The following MARVELD2 variants were observed in gnomAD, a reference collection of about 807,000 sequenced individuals.
MARVELD2 encodes MARVEL domain containing 2.
In MARVELD2, 49 loss-of-function variants were observed where a neutral mutation model predicts 57.6. That is an observed-to-expected ratio of 0.85 (90% CI 0.68 to 1.08). The LOEUF (loss-of-function observed/expected upper bound fraction) is 1.08, where lower values mean the gene tolerates loss of function less well. MARVELD2 is among the 50% of genes least tolerant of loss of function. The pLI is 0.00. For missense variants in MARVELD2, 606 were observed against 701.1 expected (o/e 0.86, Z 1.53); for synonymous variants, 238 against 258.8 (o/e 0.92, Z 0.77).
chr5:69,423,714 C>T (rs1303146219), intron 2 of MARVELD2, among the ~76,000 whole-genome samples: 5 of 152,140 alleles, frequency 3.3e-5, no homozygotes, highest in South Asian at 2.1e-4. Flanking sequence ...CTCAAGCAAT[C>T]CTCTCCCCTC....
At chr5:69,433,953 C>G (rs1313804253) in intron 5 of MARVELD2, among the ~76,000 whole-genome samples, 1 of 145,128 alleles carries the variant, frequency 6.9e-6, no homozygotes, top group Non-Finnish European at 1.5e-5. Flanking sequence ...ATTTTATTTT[C>G]TTACTTAAGT....
chr5:69,443,200 C>CTTTT lies in MARVELD2; in HGVS notation c.*1558_*1561dup, dbSNP rs35672884. On this transcript the variant is annotated 3_prime_UTR_variant, in exon 7 of 7. Coordinates refer to ENST00000325631, the MANE Select transcript of MARVELD2 (RefSeq NM_001038603.3). The stretch of plus-strand genomic sequence containing the variant: ...AATGTAGCATTTCCTTGGAAACTCC[C>CTTTT]TTTTTTTTTTTTTTTGAGATGGAGT... 5 of 137,242 alleles carry CTTTT rather than the reference C, an allele frequency of 3.6e-5. No individual in the cohort carries two copies. Among genetic ancestry groups the CTTTT allele is most frequent in the Non-Finnish European group, 7.7e-5 (5 of 64,788 alleles). 8.5% of individuals were successfully genotyped at this position (137,242 alleles called of 1,614,324 possible). A position where few individuals can be genotyped will look rare whatever the true frequency, so the allele number is the denominator to read the frequency against.
intron 3 of MARVELD2, among the ~76,000 whole-genome samples, chr5:69,431,722 G>A (rs946887087): frequency 7.9e-5 from 12 of 151,286 alleles, no homozygotes; most frequent in Non-Finnish European, 1.3e-4. Flanking sequence ...TTACAGAAAC[G>A]TTCAGAACAA....
intron 2 of MARVELD2, among the ~76,000 whole-genome samples, chr5:69,421,890 T>C (rs1009417766): frequency 1.3e-5 from 2 of 151,756 alleles, no homozygotes; most frequent in East Asian, 3.9e-4. Flanking sequence ...AGGGACCAGC[T>C]GAAGCCATGG....
intron 3 of MARVELD2, among the ~76,000 whole-genome samples, chr5:69,427,643 G>C (rs1157172979): frequency 6.6e-6 from 1 of 152,162 alleles, no homozygotes; most frequent in Non-Finnish European, 1.5e-5. Flanking sequence ...TTTGCTGGAA[G>C]CAAAGAACGG....
chr5:69,426,398 G>C (rs766510160), intron 3 of MARVELD2, among the ~76,000 whole-genome samples: 10 of 149,914 alleles, frequency 6.7e-5, no homozygotes, highest in Non-Finnish European at 1.3e-4. Flanking sequence ...GCAGTGGTGC[G>C]ATCTCAGCTC....
Position 69,441,722 on chromosome 5 carries a change from AC to A in MARVELD2, c.*71del. On this transcript the variant is annotated 3_prime_UTR_variant, in exon 7 of 7. Coordinates refer to ENST00000325631, the MANE Select transcript of MARVELD2 (RefSeq NM_001038603.3). ...TTTTGAGATGAAGTCTCGCTCTGTT[AC>A]CCAGGCTGGAATGCAGTGGCACAAT... 8.5e-7 allele frequency: 1 copy of A among 1,172,016 alleles called. No individual in the cohort carries two copies. The highest frequency in any genetic ancestry group is 1.2e-6 in the Non-Finnish European group (1 of 824,868). 72.6% of individuals were successfully genotyped at this position (1,172,016 alleles called of 1,614,324 possible). A position where few individuals can be genotyped will look rare whatever the true frequency, so the allele number is the denominator to read the frequency against.
At chr5:69,427,778 C>T (rs369432939) in intron 3 of MARVELD2, among the ~76,000 whole-genome samples, 15 of 152,250 alleles carry the variant, frequency 9.9e-5, no homozygotes, top group South Asian at 6.2e-4. Context: ...AAAAGCCTGA[C>T]GAAGATTTAA....
At position 69,432,541 on chromosome 5, in the gene MARVELD2, C is replaced by G. The variant is rs369344273; in HGVS notation, c.1197C>G (p.Thr399=). The G allele has an allele frequency of 1.2e-6, 2 of 1,614,154 alleles. No homozygotes were observed. The highest frequency in any genetic ancestry group is 1.7e-4 in the Middle Eastern group (1 of 6,060). Residue 399 remains threonine, a synonymous_variant, in exon 4 of 7, where the codon ACC becomes ACG. Transcript: ENST00000325631. The part of the protein sequence containing the change: ...SSKRKMCEMA[T]SGDRQRDSEV... ...CCTAACTGCAGTGTGAAATGGCCAC[C>G]AGTGGTGACAGACAAAGAGACTCAG...
At position 69,432,918 on chromosome 5, in the gene MARVELD2, C is replaced by T. The variant is rs755764073; in HGVS notation, c.1332-4C>T. The T allele has an allele frequency of 5.0e-6, 8 of 1,614,028 alleles. No homozygotes were observed. Among genetic ancestry groups the T allele is most frequent in the Non-Finnish European group, 6.8e-6 (8 of 1,180,038 alleles). The stretch of plus-strand genomic sequence containing the variant: ...TATATCTTTGGCTTATGTTTTTCCC[C>T]TAGAAAATACCCTGTGATTCAGACA... On this transcript the variant is annotated splice_polypyrimidine_tract_variant and splice_region_variant and intron_variant, in intron 4 of 6. Transcript: ENST00000325631.
In MARVELD2 at chr5:69,440,483, T is replaced by C; in HGVS notation, c.1537T>C (p.Phe513Leu). Residue 513 changes from phenylalanine to leucine, a missense_variant, in exon 6 of 7, where the codon TTT becomes CTT. Transcript: ENST00000325631. ...HERISRIHEE[F>L]KKKKNDPTFL... is the part of the protein sequence containing the mutation. ...GAGAATTTCAAGAATCCATGAAGAGTTTAAGAAAAAAAAGAATGTGAGTAA... is the reference window on the plus strand; with the variant it reads ...GAGAATTTCAAGAATCCATGAAGAGCTTAAGAAAAAAAAGAATGTGAGTAA... 7.0e-7 allele frequency: 1 copy of C among 1,433,990 alleles called. No individual in the cohort carries two copies. The highest frequency in any genetic ancestry group is 9.8e-7 in the Non-Finnish European group (1 of 1,020,318). The allele number at this position is 1,433,990 out of a possible 1,614,324, so 88.8% of individuals were successfully genotyped here. A position where few individuals can be genotyped will look rare whatever the true frequency, so the allele number is the denominator to read the frequency against.
chr5:69,420,652 T>TG, intron 2 of MARVELD2, 121 bp downstream of exon 2: 1 of 1,003,192 alleles, frequency 1.0e-6, no homozygotes, highest in Non-Finnish European at 1.5e-6. Flanking sequence ...TTTTCTTTCT[T>TG]CCTTTTTTTT....
At chr5:69,440,564 C>T in intron 6 of MARVELD2, 64 bp downstream of exon 6, 1 of 940,500 alleles carries the variant, frequency 1.1e-6, no homozygotes, top group Non-Finnish European at 1.7e-6. Flanking sequence ...AATTTACAGA[C>T]TCTAGATTCT....
intron 5 of MARVELD2, 40 bp from the exon 6 acceptor site, chr5:69,440,410 G>A: frequency 1.0e-6 from 1 of 1,001,944 alleles, no homozygotes; most frequent in East Asian, 2.4e-5. Context: ...TTGAGTAAAT[G>A]CAAATGTTTT....
At chr5:69,427,908 T>C (rs1053423389) in intron 3 of MARVELD2, among the ~76,000 whole-genome samples, 4 of 152,172 alleles carry the variant, frequency 2.6e-5, no homozygotes, top group Non-Finnish European at 5.9e-5. Context: ...GGCCAGGAGT[T>C]TGGGACCAGC....
chr5:69,435,752 C>CAA (rs35281029), intron 5 of MARVELD2, among the ~76,000 whole-genome samples: 735 of 64,566 alleles, frequency 0.011, 34 homozygotes, highest in Non-Finnish European at 0.016. Context: ...GACCCTGTCT[C>CAA]AAAAAAAAAA....
rs1480351501 is a variant in MARVELD2, at chr5:69,432,576, T to C, written c.1232T>C (p.Phe411Ser). ...GDRQRDSEVN[F>S]KELRTAKMKP... ...AGACAAAGAGACTCAGAAGTTAATT[T>C]CAAGGAACTGAGAACAGCAAAAATG... Residue 411 changes from phenylalanine to serine, a missense_variant, in exon 4 of 7, where the codon TTC becomes TCC. Physicochemically the swap from Phe to Ser is radical, Grantham distance 155. Transcript: ENST00000325631. 6.2e-7 allele frequency: 1 copy of C among 1,614,104 alleles called. No homozygotes were observed. The highest frequency in any genetic ancestry group is 1.3e-5 in the African/African-American group (1 of 74,946).
chr5:69,421,784 T>C (rs1580475453), intron 2 of MARVELD2, among the ~76,000 whole-genome samples: 1 of 150,638 alleles, frequency 6.6e-6, no homozygotes, highest in African/African-American at 2.4e-5. Flanking sequence ...TTTTTAATTT[T>C]CTTTTCTTTC....
chr5:69,419,220 C>T, intron 1 of MARVELD2, 151 bp from the exon 2 acceptor site: 1 of 840,360 alleles, frequency 1.2e-6, no homozygotes, highest in Non-Finnish European at 1.9e-6. Flanking sequence ...GCCACCGTGC[C>T]CGGTATCATA....
Sources: gnomAD v4.1 joint callset for allele counts (sites outside exome capture counted in the v4.1 genomes callset) on GRCh38, gnomAD v4.1.1 for gene constraint, MANE v1.5 for transcripts, NCBI Gene and HGNC (gene_info 2026-07-23, HGNC 2026-07-21) for gene names.